STS: variants seen among roughly 807,000 people sequenced by gnomAD.
STS encodes steroid sulfatase, also known as steryl-sulfatase.
A neutral mutation model predicts 26.8 loss-of-function variants in STS; 7 were observed. That is an observed-to-expected ratio of 0.26 (90% CI 0.15 to 0.49). The LOEUF (loss-of-function observed/expected upper bound fraction) is 0.49, where lower values mean the gene tolerates loss of function less well. Ranked by LOEUF, STS falls within the 20% of genes least tolerant of loss-of-function variation. The pLI is 0.98. For synonymous variants in STS, 199 were observed against 189.4 expected, an observed-to-expected ratio of 1.05 and a Z score of -0.42; for missense variants, 434 against 465.6, an observed-to-expected ratio of 0.93 and a Z score of 0.63.
At chrX:7,208,624 T>A (rs916161581) in intron 2 of STS, among the ~76,000 whole-genome samples, 3 of 111,947 alleles carry the variant, frequency 2.7e-5, no homozygotes, top group Non-Finnish European at 3.8e-5. Context: ...CCTCCCTTCT[T>A]CCTCTCTCCC....
chrX:7,170,250 G>A (rs1172653187), intron 1 of STS, among the ~76,000 whole-genome samples: 1 of 109,878 alleles, frequency 9.1e-6, no homozygotes, highest in Non-Finnish European at 1.9e-5. Context: ...ACAGGCAGGA[G>A]GTAGGAATAG....
At chrX:7,159,374 A>G (rs759874150) in intron 1 of STS, among the ~76,000 whole-genome samples, 2 of 111,816 alleles carry the variant, frequency 1.8e-5, no homozygotes, top group East Asian at 5.6e-4. Context: ...ACTGTGTTGT[A>G]TGTGTAACTC....
At chrX:7,312,459 G>C (rs1926523507) in intron 8 of STS, among the ~76,000 whole-genome samples, 4 of 111,447 alleles carry the variant, frequency 3.6e-5, no homozygotes, top group Non-Finnish European at 7.5e-5. Flanking sequence ...CATTCAATAA[G>C]AACTTACTGA....
At chrX:7,298,633 C>T (rs1601723487) in intron 7 of STS, among the ~76,000 whole-genome samples, 2 of 111,143 alleles carry the variant, frequency 1.8e-5, no homozygotes, top group Admixed American at 9.7e-5. Context: ...ATGAGAATAA[C>T]GCTCCAAAGG....
intron 2 of STS, among the ~76,000 whole-genome samples, chrX:7,204,645 TTC>T (rs1219096723): frequency 9.6e-6 from 1 of 104,546 alleles, no homozygotes; most frequent in African/African-American, 3.5e-5. Context: ...TCTTCCTTTT[TTC>T]TCTCTCCTGC....
chrX:7,322,982 G>A (rs1401785759), intron 8 of STS, among the ~76,000 whole-genome samples: 3 of 111,630 alleles, frequency 2.7e-5, no homozygotes, highest in African/African-American at 9.8e-5. Context: ...AACTCTCCTG[G>A]TTAAGAGCCA....
At chrX:7,263,803 ATATG>A (rs1404977889) in intron 6 of STS, among the ~76,000 whole-genome samples, 12 of 98,811 alleles carry the variant, frequency 1.2e-4, no homozygotes, top group Non-Finnish European at 2.3e-4. Context: ...GTGTGTGTAT[ATATG>A]TGTGTGTGTT....
intron 7 of STS, among the ~76,000 whole-genome samples, chrX:7,300,156 G>T (rs1224991063): frequency 8.9e-6 from 1 of 112,011 alleles, no homozygotes; most frequent in African/African-American, 3.2e-5. Flanking sequence ...AAAAGGTCTG[G>T]TTAGGAAGCC....
intron 3 of STS, 44 bp downstream of exon 3, chrX:7,253,380 G>A: frequency 8.3e-7 from 1 of 1,205,313 alleles, no homozygotes; most frequent in Non-Finnish European, 1.1e-6. Context: ...TGTATTCATA[G>A]GCAACAGTCC....
intron 8 of STS, among the ~76,000 whole-genome samples, chrX:7,319,334 A>AT (rs1233981218): frequency 3.7e-5 from 4 of 109,170 alleles, no homozygotes; most frequent in Non-Finnish European, 7.6e-5. Flanking sequence ...TATTATTAAT[A>AT]TTTTTTTGTA....
chrX:7,255,920 G>A (rs1923387017), intron 3 of STS, among the ~76,000 whole-genome samples: 1 of 112,158 alleles, frequency 8.9e-6, no homozygotes, highest in Non-Finnish European at 1.9e-5. Flanking sequence ...GGAAGCCATG[G>A]GACCAATGAA....
intron 7 of STS, among the ~76,000 whole-genome samples, chrX:7,283,162 T>C (rs1262612055): frequency 8.9e-6 from 1 of 112,178 alleles, no homozygotes; most frequent in Non-Finnish European, 1.9e-5. Flanking sequence ...ATTCTTATTT[T>C]TGATCAATGC....
chrX:7,211,730 G>A (rs1921038528), intron 2 of STS, among the ~76,000 whole-genome samples: 1 of 112,173 alleles, frequency 8.9e-6, no homozygotes, highest in Non-Finnish European at 1.9e-5. Flanking sequence ...ATTTTGCTAA[G>A]ATTTCCAACA....
At chrX:7,200,954 GTGGATGGA>G (rs201826140) in intron 2 of STS, among the ~76,000 whole-genome samples, 7 of 107,471 alleles carry the variant, frequency 6.5e-5, no homozygotes, top group South Asian at 8.4e-4. Flanking sequence ...GGTTAGATGG[GTGGATGGA>G]TGGATGGATG....
At chrX:7,160,583 C>G (rs949118744) in intron 1 of STS, among the ~76,000 whole-genome samples, 1 of 111,891 alleles carries the variant, frequency 8.9e-6, no homozygotes, top group Non-Finnish European at 1.9e-5. Flanking sequence ...ATAGTTTACA[C>G]AAAAGAGAAA....
At chrX:7,338,556 G>GA (rs1928137095) in intron 10 of STS, among the ~76,000 whole-genome samples, 1 of 111,594 alleles carries the variant, frequency 9.0e-6, no homozygotes, top group Non-Finnish European at 1.9e-5. Flanking sequence ...TTACTTAGGG[G>GA]AACGGGGCAC....
At chrX:7,168,666 T>A (rs2146995794) in intron 1 of STS, among the ~76,000 whole-genome samples, 1 of 111,505 alleles carries the variant, frequency 9.0e-6, no homozygotes, top group East Asian at 2.8e-4. Context: ...CTCCTTTCCC[T>A]GCACCCAGGC....
chrX:7,273,142 T>C (rs1025227417), intron 6 of STS, among the ~76,000 whole-genome samples: 1 of 111,432 alleles, frequency 9.0e-6, no homozygotes, highest in Admixed American at 9.5e-5. Flanking sequence ...ACAGCAAGAC[T>C]CTATCTCAAA....
intron 6 of STS, among the ~76,000 whole-genome samples, chrX:7,273,826 T>C (rs1924401639): frequency 9.0e-6 from 1 of 111,323 alleles, no homozygotes; most frequent in South Asian, 3.8e-4. Flanking sequence ...GCATTCATTC[T>C]CTCATTTGTT....
Sources: gnomAD v4.1 joint callset for allele counts (sites outside exome capture counted in the v4.1 genomes callset) on GRCh38, gnomAD v4.1.1 for gene constraint, MANE v1.5 for transcripts, NCBI Gene and HGNC (gene_info 2026-07-23, HGNC 2026-07-21) for gene names.